The following ALG2 variants were observed in gnomAD, a reference collection of about 807,000 sequenced individuals.
ALG2 encodes the protein ALG2 alpha-1,3/1,6-mannosyltransferase.
Under a neutral mutation model 30.5 loss-of-function variants are expected in ALG2, and 32 were observed. The ratio of observed to expected loss-of-function variants is 1.05; its 90% CI spans 0.79 to 1.41. The LOEUF (loss-of-function observed/expected upper bound fraction) is 1.41. Ranked by LOEUF, ALG2 falls within the 40% of genes most tolerant of loss-of-function variation. The pLI, the probability that ALG2 is intolerant of heterozygous loss-of-function variation, is 0.00. For synonymous variants in ALG2, 253 were observed against 224.8 expected, an observed-to-expected ratio of 1.13 and a Z score of -1.12; for missense variants, 574 against 526.4, an observed-to-expected ratio of 1.09 and a Z score of -0.88.
intron 1 of ALG2, 99 bp from the exon 2 acceptor site, chr9:99,218,935 C>G (rs1331247971): frequency 1.3e-5 from 17 of 1,283,976 alleles, no homozygotes; most frequent in Non-Finnish European, 1.9e-5. Flanking sequence ...TCTGTGGGCT[C>G]CTCATGGGCA....
rs1021740183 is a variant in ALG2 at position 99,217,213 on chromosome 9, TA to T, written c.*720del. On this transcript the variant is annotated 3_prime_UTR_variant, in exon 2 of 2. Coordinates refer to ENST00000476832, the MANE Select transcript of ALG2 (RefSeq NM_033087.4). ...CTAGATGACATTAAGAAATATACCC[TA>T]AACAAGATGCACAACACATGTGTGA... 1 of 453,986 alleles carries T rather than the reference TA, an allele frequency of 2.2e-6. No homozygotes were observed. Among genetic ancestry groups the T allele is most frequent in the Non-Finnish European group, 4.4e-6 (1 of 226,784 alleles). 28.1% of individuals were successfully genotyped at this position (453,986 alleles called of 1,614,324 possible).
chr9:99,218,158 C>G lies in ALG2; in HGVS notation c.1027G>C (p.Ala343Pro). The G allele has an allele frequency of 6.2e-7, 1 of 1,611,780 alleles. No homozygotes were observed. The part of the protein sequence containing the change: ...EAMYMQCPVI[A>P]VNSGGPLESI... ...TCCAAGGGTCCACCCGAATTAACAG[C>G]AATGACTGGGCACTGCATGTACATG... The change falls in exon 2 of 2, where the codon GCT becomes CCT. Residue 343 changes from alanine to proline, a missense_variant. Ala to Pro is a conservative substitution (Grantham distance 27, BLOSUM62 -1). Coordinates refer to ENST00000476832, the MANE Select transcript of ALG2 (RefSeq NM_033087.4).
In ALG2 at chr9:99,216,975, C is replaced by T. The variant is rs1336056143; in HGVS notation, c.*959G>A. The T allele has an allele frequency of 2.2e-6, 1 of 454,072 alleles. No individual in the cohort carries two copies. Among genetic ancestry groups the T allele is most frequent in the Admixed American group, 2.3e-5 (1 of 42,574 alleles). The allele number at this position is 454,072 out of a possible 1,614,324, so 28.1% of individuals were successfully genotyped here. ...GTTAGACCAACAGGTAAACAGTGAA[C>T]TATAAGTCAGTGTCACGAAAATATC... On this transcript the variant is annotated 3_prime_UTR_variant, in exon 2 of 2. Transcript: ENST00000476832.
At position 99,221,696 on chromosome 9, in the gene ALG2, G is replaced by A; in HGVS notation, c.199C>T (p.Pro67Ser). ...GHCFAESRELPVRCAGDWLPR... is the reference protein window; with the variant it reads ...GHCFAESRELSVRCAGDWLPR... ...AGCCAGTCCCCGGCACAGCGCACCGGTAGCTCGCGGCTCTCGGCGAAACAG... is the reference window on the plus strand; with the variant it reads ...AGCCAGTCCCCGGCACAGCGCACCGATAGCTCGCGGCTCTCGGCGAAACAG... Residue 67 changes from proline to serine, a missense_variant, in exon 1 of 2, where the codon CCG becomes TCG. Physicochemically the swap from Pro to Ser is moderately conservative, Grantham distance 74. Coordinates refer to ENST00000476832, the MANE Select transcript of ALG2 (RefSeq NM_033087.4). The A allele has an allele frequency of 1.3e-6, 2 of 1,582,852 alleles. No individual in the cohort carries two copies. The highest frequency in any genetic ancestry group is 1.7e-6 in the Non-Finnish European group (2 of 1,171,018).
intron 1 of ALG2, chr9:99,221,224 C>T: frequency 7.9e-7 from 1 of 1,263,900 alleles, no homozygotes; most frequent in East Asian, 3.0e-5. Context: ...AAGCTGACTT[C>T]TAATACCAGC....
At position 99,217,741 on chromosome 9, in the gene ALG2, A is replaced by C. The variant is rs1319657288; in HGVS notation, c.*193T>G. ...CACTGGCAAAATTTGGAATGATTAT[A>C]GCATAAAAGACATGGTTTTTCTGAA... On this transcript the variant is annotated 3_prime_UTR_variant, in exon 2 of 2. Coordinates refer to ENST00000476832, the MANE Select transcript of ALG2 (RefSeq NM_033087.4). 16 of 714,802 alleles carry C rather than the reference A, an allele frequency of 2.2e-5. No homozygotes were observed. In the East Asian group the frequency reaches 4.4e-4, roughly 20 times the overall value. 44.3% of individuals were successfully genotyped at this position (714,802 alleles called of 1,614,324 possible). A position where few individuals can be genotyped will look rare whatever the true frequency, so the allele number is the denominator to read the frequency against.
intron 1 of ALG2, chr9:99,220,971 T>C (rs1362868720): frequency 8.9e-6 from 12 of 1,352,198 alleles, no homozygotes; most frequent in Non-Finnish European, 1.1e-5. Context: ...CAGGTGGACA[T>C]TATTTACCAA....
In ALG2 at chr9:99,218,339, C is replaced by T. The variant is rs1343796278; in HGVS notation, c.846G>A (p.Gln282=). 11 of 1,614,230 alleles carry T rather than the reference C, an allele frequency of 6.8e-6. No homozygotes were observed. Among genetic ancestry groups the T allele is most frequent in the Non-Finnish European group, 9.3e-6 (11 of 1,180,040 alleles). Residue 282 remains glutamine (Q), a synonymous_variant, in exon 2 of 2, where the codon CAG becomes CAA. Coordinates refer to ENST00000476832, the MANE Select transcript of ALG2 (RefSeq NM_033087.4). ...ACTGTTGGACCATTTTCTTCAATTCCTGATAATGTTCCACATTCTCCAGGA... is the reference window on the plus strand; with the variant it reads ...ACTGTTGGACCATTTTCTTCAATTCTTGATAATGTTCCACATTCTCCAGGA... The part of the protein sequence containing the change: ...ERVLENVEHY[Q]ELKKMVQQSD...
chr9:99,218,781 A>T lies in ALG2; in HGVS notation c.404T>A (p.Phe135Tyr), dbSNP rs750679110. The T allele has an allele frequency of 8.1e-6, 13 of 1,612,572 alleles. No homozygotes were observed. Among genetic ancestry groups the T allele is most frequent in the Non-Finnish European group, 1.1e-5 (13 of 1,180,016 alleles). Residue 135 changes from phenylalanine (F) to tyrosine (Y), a missense_variant, in exon 2 of 2, where the codon TTT (phenylalanine) becomes TAT (tyrosine). Phe to Tyr is a conservative substitution (Grantham distance 22, BLOSUM62 3). Coordinates refer to ENST00000476832, the MANE Select transcript of ALG2 (RefSeq NM_033087.4). The part of the protein sequence containing the change: ...RLARRRKKIL[F>Y]YCHFPDLLLT... ...AAGCAGATCTGGGAAGTGACAGTAAAATAGGATCTTCTTCCGCCGTCTAGC... is the reference window on the plus strand; with the variant it reads ...AAGCAGATCTGGGAAGTGACAGTAATATAGGATCTTCTTCCGCCGTCTAGC...
At chr9:99,221,435 T>G in intron 1 of ALG2, 112 bp downstream of exon 1, 1 of 1,256,042 alleles carries the variant, frequency 8.0e-7, no homozygotes, top group Non-Finnish European at 1.1e-6. Flanking sequence ...TCCATGTCAG[T>G]TCCGATCTTT....
rs763802412 is a variant in ALG2, at chr9:99,217,825, T to C, written c.*109A>G. 1.2e-5 allele frequency: 15 copies of C among 1,280,700 alleles called. No homozygotes were observed. Among genetic ancestry groups the C allele is most frequent in the Admixed American group, 5.4e-5 (3 of 56,050 alleles). 79.3% of individuals were successfully genotyped at this position (1,280,700 alleles called of 1,614,324 possible). On this transcript the variant is annotated 3_prime_UTR_variant, in exon 2 of 2. Transcript: ENST00000476832. ...GGCTCACATTCAAGACTCAAGTTTA[T>C]TTTTTAAAAGATCTCTTCTGCATTA...
chr9:99,221,467 T>C, intron 1 of ALG2, 80 bp downstream of exon 1: 1 of 1,426,134 alleles, frequency 7.0e-7, no homozygotes, highest in East Asian at 2.5e-5. Flanking sequence ...ACAGGGAAGG[T>C]CTTCTCTCAG....
rs1302526317 is a variant in ALG2, at chr9:99,216,518, C to T, written c.*1416G>A. ...CCTTTTTGGTACAGAATCATTTTGC[C>T]AAAATACTCCTGTGATACAGATGCA... On this transcript the variant is annotated 3_prime_UTR_variant, in exon 2 of 2. Coordinates refer to ENST00000476832, the MANE Select transcript of ALG2 (RefSeq NM_033087.4). 7 of 453,046 alleles carry T rather than the reference C, an allele frequency of 1.5e-5. No homozygotes were observed. In the Admixed American group the frequency reaches 1.7e-4, roughly 11 times the overall value. 28.1% of individuals were successfully genotyped at this position (453,046 alleles called of 1,614,324 possible).
In ALG2 at chr9:99,218,483, G is replaced by A. The variant is rs370457158; in HGVS notation, c.702C>T (p.Tyr234=). 1.3e-5 allele frequency: 21 copies of A among 1,614,060 alleles called. No individual in the cohort carries two copies. The highest frequency in any genetic ancestry group is 4.0e-5 in the African/African-American group (3 of 74,910). Residue 234 remains tyrosine (Y), a synonymous_variant, in exon 2 of 2, where the codon TAC becomes TAT. Transcript: ENST00000476832. ...KKFLLLSINR[Y]ERKKNLTLAL... The stretch of plus-strand genomic sequence containing the variant: ...CCAAAGTCAGATTTTTCTTCCTTTC[G>A]TATCTGTTGATGGAGAGCAGCAGGA...
In ALG2 at chr9:99,217,245, T is replaced by C. The variant is rs1446856686; in HGVS notation, c.*689A>G. 2.2e-6 allele frequency: 1 copy of C among 454,042 alleles called. No individual in the cohort carries two copies. Among genetic ancestry groups the C allele is most frequent in the Non-Finnish European group, 4.4e-6 (1 of 226,798 alleles). The allele number at this position is 454,042 out of a possible 1,614,324, so 28.1% of individuals were successfully genotyped here. Reference sequence around the variant, plus strand: ...GATGCACAACACATGTGTGACAATATTCTTGCTTCATTTCAATATCCACTT... The same window carrying C: ...GATGCACAACACATGTGTGACAATACTCTTGCTTCATTTCAATATCCACTT... On this transcript the variant is annotated 3_prime_UTR_variant, in exon 2 of 2. Transcript: ENST00000476832.
In ALG2 at chr9:99,218,701, T is replaced by G. The variant is rs529195050; in HGVS notation, c.484A>C (p.Ile162Leu). The G allele has an allele frequency of 1.3e-5, 21 of 1,614,142 alleles. No homozygotes were observed. Among genetic ancestry groups the G allele is most frequent in the Non-Finnish European group, 1.8e-5 (21 of 1,180,010 alleles). Residue 162 changes from isoleucine (I) to leucine (L), a missense_variant, in exon 2 of 2, where the codon ATA becomes CTA. Ile to Leu is a conservative substitution (Grantham distance 5, BLOSUM62 2). Transcript: ENST00000476832. ...GCCATGCCTGTGGTGTATTCCTCTA[T>G]CCAGTCAATTGGGGCCCTGTATAGT... ...KRLYRAPIDW[I>L]EEYTTGMADC...
chr9:99,217,702 C>T lies in ALG2; in HGVS notation c.*232G>A, dbSNP rs567866273. 2.0e-5 allele frequency: 13 copies of T among 654,104 alleles called. No homozygotes were observed. The highest frequency in any genetic ancestry group is 1.8e-4 in the South Asian group (12 of 65,990). The allele number at this position is 654,104 out of a possible 1,614,324, so 40.5% of individuals were successfully genotyped here. A position where few individuals can be genotyped will look rare whatever the true frequency, so the allele number is the denominator to read the frequency against. On this transcript the variant is annotated 3_prime_UTR_variant, in exon 2 of 2. Transcript: ENST00000476832. ...CTCTGCTGAACATGGAATGACACCA[C>T]ATTTGTAACTTAACACTGGCAAAAT...
At chr9:99,220,951 A>C in intron 1 of ALG2, 1 of 1,350,892 alleles carries the variant, frequency 7.4e-7, no homozygotes, top group Non-Finnish European at 9.8e-7. Flanking sequence ...GAATAGCTAC[A>C]GGGCAGATCC....
At chr9:99,220,038 G>A (rs931206568) in intron 1 of ALG2, among the ~76,000 whole-genome samples, 8 of 152,180 alleles carry the variant, frequency 5.3e-5, no homozygotes, top group South Asian at 4.1e-4. Flanking sequence ...TATCCAAGGC[G>A]GACAAAAGCA....
Sources: allele counts gnomAD v4.1 joint callset (sites outside exome capture counted in the v4.1 genomes callset), GRCh38; gene constraint gnomAD v4.1.1; transcripts MANE v1.5; gene names NCBI Gene and HGNC (gene_info 2026-07-23, HGNC 2026-07-21).